The following MS4A5 variants were observed in gnomAD, a reference collection of about 807,000 sequenced individuals.
MS4A5 encodes the protein membrane spanning 4-domains A5, also known as membrane-spanning 4-domains subfamily A member 5.
Under a neutral mutation model 18.2 loss-of-function variants are expected in MS4A5, and 15 were observed. The ratio of observed to expected loss-of-function variants is 0.83; its 90% CI spans 0.55 to 1.27. The LOEUF (loss-of-function observed/expected upper bound fraction) is 1.27. MS4A5 is among the 50% of genes most tolerant of loss of function. MS4A5 has a pLI of 0.00. For synonymous variants in MS4A5, 89 were observed against 78.7 expected (o/e 1.13, Z -0.69); for missense variants, 232 against 225.7 (o/e 1.03, Z -0.18).
At chr11:60,430,390 G>A (rs1192045616) in intron 1 of MS4A5, among the ~76,000 whole-genome samples, 5 of 152,062 alleles carry the variant, frequency 3.3e-5, no homozygotes, top group Admixed American at 2.0e-4. Context: ...AGGCCAGCCT[G>A]GTATACTCAT....
At chr11:60,442,974 C>G (rs1317227483) in intron 4 of MS4A5, among the ~76,000 whole-genome samples, 6 of 152,132 alleles carry the variant, frequency 3.9e-5, no homozygotes, top group Non-Finnish European at 7.3e-5. Context: ...AACACCATCT[C>G]TACTAAAAAT....
chr11:60,436,241 A>G (rs907765705), intron 4 of MS4A5, among the ~76,000 whole-genome samples: 6 of 150,410 alleles, frequency 4.0e-5, no homozygotes, highest in Non-Finnish European at 8.9e-5. Context: ...AAACTAACAA[A>G]CAGAAAGGAC....
At chr11:60,437,201 A>G (rs1340575194) in intron 4 of MS4A5, among the ~76,000 whole-genome samples, 1 of 147,848 alleles carries the variant, frequency 6.8e-6, no homozygotes, top group Non-Finnish European at 1.5e-5. Context: ...GAAATAAAAT[A>G]CTTTACAGAC....
chr11:60,440,285 T>C (rs2086103522), intron 4 of MS4A5, among the ~76,000 whole-genome samples: 2 of 112,332 alleles, frequency 1.8e-5, no homozygotes, highest in South Asian at 6.4e-4. Context: ...TCAAGATGGA[T>C]TAAAGACTTA....
Position 60,430,828 on chromosome 11 carries a change from T to C in MS4A5, c.186T>C (p.Phe62=), listed in dbSNP as rs1001153928. The change falls in exon 2 of 5, where the codon TTT becomes TTC. Residue 62 remains phenylalanine, a synonymous_variant. Transcript: ENST00000300190. ...AGATCCTGTTTGGAATTATGACCTT[T>C]TCTTTTGGAGTTATCTTCCTTTTCA... ...TIQILFGIMT[F]SFGVIFLFTL... 1 of 1,613,380 alleles carries C rather than the reference T, an allele frequency of 6.2e-7. No individual in the cohort carries two copies. The highest frequency in any genetic ancestry group is 8.5e-7 in the Non-Finnish European group (1 of 1,179,926).
chr11:60,435,113 A>G (rs2086071380), intron 4 of MS4A5, among the ~76,000 whole-genome samples: 1 of 152,226 alleles, frequency 6.6e-6, no homozygotes, highest in Non-Finnish European at 1.5e-5. Flanking sequence ...TAAACTGGAT[A>G]AGGCAAGAAT....
intron 4 of MS4A5, among the ~76,000 whole-genome samples, chr11:60,447,075 T>C (rs565543857): frequency 1.3e-5 from 2 of 152,118 alleles, no homozygotes; most frequent in South Asian, 2.1e-4. Flanking sequence ...TGCTATGCTA[T>C]CCTATGCTAT....
intron 4 of MS4A5, among the ~76,000 whole-genome samples, chr11:60,446,945 A>G (rs1471675790): frequency 6.6e-6 from 1 of 151,464 alleles, no homozygotes; most frequent in Non-Finnish European, 1.5e-5. Context: ...TTTGCATTTT[A>G]TGCATTTATA....
chr11:60,444,585 G>T lies in MS4A5; in HGVS notation c.493-3064G>T, dbSNP rs530973635. 1.1e-4 allele frequency among the ~76,000 whole-genome samples: 16 copies of T among 151,952 alleles called. No homozygotes were observed. In the East Asian group the frequency reaches 3.1e-3, roughly 29 times the overall value. ...ACTCCTGAAAATCAATAATAAAAAGGCCAAAAAAAGATTAAGACTTGAGCA... is the reference window on the plus strand; with the variant it reads ...ACTCCTGAAAATCAATAATAAAAAGTCCAAAAAAAGATTAAGACTTGAGCA... On this transcript the variant is annotated intron_variant, in intron 4 of 4. Transcript: ENST00000300190.
intron 4 of MS4A5, among the ~76,000 whole-genome samples, chr11:60,436,024 A>G (rs550709771): frequency 9.2e-5 from 14 of 152,290 alleles, no homozygotes; most frequent in African/African-American, 2.6e-4. Context: ...GCAGACTTAA[A>G]TGTCCCTGTC....
At chr11:60,434,891 A>G (rs555095492) in intron 4 of MS4A5, among the ~76,000 whole-genome samples, 8 of 152,224 alleles carry the variant, frequency 5.3e-5, no homozygotes, top group African/African-American at 1.4e-4. Context: ...AAGACTTAAG[A>G]GAGATTTTCT....
In MS4A5 at chr11:60,435,556, G is replaced by C. The variant is rs568777663; in HGVS notation, c.492+1639G>C. ...CACTAGGGAGTGCCAGACAGTGGGCGCAGGTCAGTGGGTGCGTGCACCCTG... is the reference window on the plus strand; with the variant it reads ...CACTAGGGAGTGCCAGACAGTGGGCCCAGGTCAGTGGGTGCGTGCACCCTG... On this transcript the variant is annotated intron_variant, in intron 4 of 4. Coordinates refer to ENST00000300190, the MANE Select transcript of MS4A5 (RefSeq NM_023945.3). 1.5e-3 allele frequency: 562 copies of C among 366,004 alleles called. 3 individuals carry two copies. The highest frequency in any genetic ancestry group is 7.8e-3 in the Middle Eastern group (8 of 1,026). 22.7% of individuals were successfully genotyped at this position (366,004 alleles called of 1,614,324 possible). A position where few individuals can be genotyped will look rare whatever the true frequency, so the allele number is the denominator to read the frequency against.
chr11:60,437,969 C>A (rs1339453123), intron 4 of MS4A5, among the ~76,000 whole-genome samples: 1 of 152,138 alleles, frequency 6.6e-6, no homozygotes, highest in African/African-American at 2.4e-5. Context: ...ACAGAATATA[C>A]ATTTTTTTCA....
rs1193086503 is a variant in MS4A5, at chr11:60,433,918, G to T, written c.492+1G>T. On this transcript the variant is annotated splice_donor_variant, in intron 4 of 4. Transcript: ENST00000300190. LOFTEE classifies it high-confidence loss of function. ...TAAGGCTGTTACTGTCCTGTTCTTG[G>T]TAAGTATGTTGCATTTATAGAGTGA... The T allele has an allele frequency of 6.2e-7, 1 of 1,613,188 alleles. No individual in the cohort carries two copies. The highest frequency in any genetic ancestry group is 2.2e-5 in the East Asian group (1 of 44,856).
Position 60,429,654 on chromosome 11 carries a change from C to T in MS4A5, c.-21C>T, listed in dbSNP as rs2086037472. Reference sequence around the variant, plus strand: ...AAGTACCAACTAAATCATCTCCTTTCAAATTATCACCGACACCATCATGGA... The same window carrying T: ...AAGTACCAACTAAATCATCTCCTTTTAAATTATCACCGACACCATCATGGA... On this transcript the variant is annotated 5_prime_UTR_variant, in exon 1 of 5. Coordinates refer to ENST00000300190, the MANE Select transcript of MS4A5 (RefSeq NM_023945.3). The T allele has an allele frequency of 6.3e-7, 1 of 1,599,138 alleles. No individual in the cohort carries two copies. The highest frequency in any genetic ancestry group is 2.2e-5 in the East Asian group (1 of 44,746).
At chr11:60,442,734 CCTAT>C (rs1170147325) in intron 4 of MS4A5, among the ~76,000 whole-genome samples, 7 of 152,182 alleles carry the variant, frequency 4.6e-5, no homozygotes, top group Non-Finnish European at 1.0e-4. Flanking sequence ...ACTTATTCCT[CCTAT>C]CTAACTAACT....
At position 60,432,440 on chromosome 11, in the gene MS4A5, A is replaced by T; in HGVS notation, c.312A>T (p.Ala104=). Residue 104 remains alanine (A), a synonymous_variant, in exon 3 of 5, where the codon GCA becomes GCT. Transcript: ENST00000300190. ...LFINSGAFLI[A]VKRKTTETLI... ...TTAATTCTGGAGCCTTCCTAATTGC[A>T]GTGAAAAGAAAAACCACAGAAACTC... 6.3e-7 allele frequency: 1 copy of T among 1,593,638 alleles called. No homozygotes were observed. Among genetic ancestry groups the T allele is most frequent in the Non-Finnish European group, 8.6e-7 (1 of 1,163,710 alleles).
chr11:60,436,148 C>T (rs892637256), intron 4 of MS4A5, among the ~76,000 whole-genome samples: 1 of 151,712 alleles, frequency 6.6e-6, no homozygotes, highest in Non-Finnish European at 1.5e-5. Context: ...CTGGGAGGCA[C>T]CCCCCAGCAG....
intron 2 of MS4A5, among the ~76,000 whole-genome samples, chr11:60,431,150 A>G (rs1271978019): frequency 2.6e-5 from 4 of 152,214 alleles, no homozygotes; most frequent in Non-Finnish European, 5.9e-5. Flanking sequence ...GCAGTTGTTT[A>G]TTTGGCTATT....
Sources: allele counts gnomAD v4.1 joint callset (sites outside exome capture counted in the v4.1 genomes callset), GRCh38; gene constraint gnomAD v4.1.1; transcripts MANE v1.5; gene names NCBI Gene and HGNC (gene_info 2026-07-23, HGNC 2026-07-21).